The following STPG2 variants were observed in gnomAD, a reference collection of about 807,000 sequenced individuals.
The protein encoded by STPG2 is sperm tail PG-rich repeat containing 2, also known as sperm-tail PG-rich repeat-containing protein 2.
In STPG2, 56 loss-of-function variants were observed where a neutral mutation model predicts 54.2. The observed-to-expected ratio is 1.03, with a 90% confidence interval of 0.83 to 1.29. STPG2 has a LOEUF of 1.29. STPG2 is among the 50% of genes most tolerant of loss of function. STPG2 has a pLI of 0.00. For missense variants in STPG2, 596 were observed against 544.9 expected (o/e 1.09, Z -0.93); for synonymous variants, 200 against 181.8 (o/e 1.10, Z -0.81).
intron 10 of STPG2, among the ~76,000 whole-genome samples, chr4:97,706,101 G>T (rs944943591): frequency 6.6e-6 from 1 of 151,942 alleles, no homozygotes; most frequent in Non-Finnish European, 1.5e-5. Flanking sequence ...TATAACTGTA[G>T]CTTTGAATTT....
intron 9 of STPG2, among the ~76,000 whole-genome samples, chr4:97,725,237 A>C (rs1724582542): frequency 6.6e-6 from 1 of 151,996 alleles, no homozygotes; most frequent in Non-Finnish European, 1.5e-5. Context: ...TAACCTACAC[A>C]GAGTTGCAAG....
chr4:98,048,008 G>A (rs1038406408), intron 5 of STPG2, among the ~76,000 whole-genome samples: 3 of 152,110 alleles, frequency 2.0e-5, no homozygotes, highest in Non-Finnish European at 4.4e-5. Flanking sequence ...TCAACTAAAC[G>A]TAGTATTAAG....
intron 5 of STPG2, among the ~76,000 whole-genome samples, chr4:98,006,356 C>T (rs1735574742): frequency 6.6e-6 from 1 of 152,138 alleles, no homozygotes. Context: ...TCTCCCAATA[C>T]CTAAAGCTAA....
intron 3 of STPG2, among the ~76,000 whole-genome samples, chr4:98,121,476 G>A (rs1739677483): frequency 7.7e-6 from 1 of 130,050 alleles, no homozygotes; most frequent in African/African-American, 3.0e-5. Context: ...AATTACTTTA[G>A]GCAATATAGC....
At chr4:97,538,971 C>T (rs544592325) in intron 4 of STPG2, among the ~76,000 whole-genome samples, 1 of 151,988 alleles carries the variant, frequency 6.6e-6, no homozygotes, top group Non-Finnish European at 1.5e-5. Flanking sequence ...GAAATAAAAT[C>T]CTTTACAGAT....
At chr4:97,857,051 C>A (rs1398032857) in intron 8 of STPG2, among the ~76,000 whole-genome samples, 1 of 152,056 alleles carries the variant, frequency 6.6e-6, no homozygotes, top group Non-Finnish European at 1.5e-5. Context: ...CTGCTGGATC[C>A]AGTTTGCCAG....
At chr4:98,064,895 A>G (rs570288509) in intron 5 of STPG2, among the ~76,000 whole-genome samples, 5 of 152,090 alleles carry the variant, frequency 3.3e-5, no homozygotes, top group Non-Finnish European at 5.9e-5. Context: ...CAGTACTAAA[A>G]GTTTATTTAT....
chr4:97,530,698 C>A (rs936941239), intron 4 of STPG2, among the ~76,000 whole-genome samples: 1 of 152,198 alleles, frequency 6.6e-6, no homozygotes, highest in Non-Finnish European at 1.5e-5. Flanking sequence ...GGTGAGCAAT[C>A]ACAATACCTG....
chr4:98,044,790 G>A (rs1737072989), intron 5 of STPG2, among the ~76,000 whole-genome samples: 1 of 152,158 alleles, frequency 6.6e-6, no homozygotes, highest in Non-Finnish European at 1.5e-5. Context: ...AGCATGAAAG[G>A]TAGCAGAAGC....
chr4:97,914,858 TTC>T (rs1731813414), intron 8 of STPG2, among the ~76,000 whole-genome samples: 1 of 152,188 alleles, frequency 6.6e-6, no homozygotes, highest in African/African-American at 2.4e-5. Flanking sequence ...AACGTGTACT[TTC>T]TGTTTCTATG....
chr4:97,797,260 T>C lies in STPG2; in HGVS notation c.1204+43513A>G, dbSNP rs932269223. 1.1e-4 allele frequency among the ~76,000 whole-genome samples: 16 copies of C among 152,312 alleles called. 1 individual carries two copies. The highest frequency in any genetic ancestry group is 3.8e-4 in the African/African-American group (16 of 41,576). ...GTGGTGAGAGAGGGCATCCCTGTCT[T>C]GTGCCAGTTTTCAAAGGGAATGCTT... On this transcript the variant is annotated intron_variant, in intron 9 of 10. Transcript: ENST00000295268.
intron 8 of STPG2, among the ~76,000 whole-genome samples, chr4:97,896,538 T>TA (rs1306586339): frequency 1.3e-5 from 2 of 151,692 alleles, no homozygotes; most frequent in African/African-American, 2.4e-5. Flanking sequence ...GAGATATGGC[T>TA]AAAAAAATCT....
At chr4:97,894,444 A>G (rs1453453817) in intron 8 of STPG2, among the ~76,000 whole-genome samples, 1 of 151,942 alleles carries the variant, frequency 6.6e-6, no homozygotes, top group Non-Finnish European at 1.5e-5. Flanking sequence ...CAAAAATAGA[A>G]GAAAATTTCC....
At chr4:97,824,785 G>T (rs1045479264) in intron 9 of STPG2, among the ~76,000 whole-genome samples, 1 of 152,186 alleles carries the variant, frequency 6.6e-6, no homozygotes, top group Non-Finnish European at 1.5e-5. Flanking sequence ...GCCCAATGCT[G>T]TAGCTCAGCA....
chr4:97,542,842 C>CAG (rs1731748994), intron 4 of STPG2, among the ~76,000 whole-genome samples: 1 of 151,920 alleles, frequency 6.6e-6, no homozygotes, highest in Admixed American at 6.6e-5. Context: ...AAGCTGGAAA[C>CAG]CATCATTCTC....
chr4:98,114,756 TTTTTTTTTTTGTGTG>T (rs1255955529), intron 3 of STPG2, among the ~76,000 whole-genome samples: 5 of 12,668 alleles, frequency 3.9e-4, no homozygotes, highest in Non-Finnish European at 5.4e-4. Context: ...AATATCCATT[TTTTTTTTTTTGTGTG>T]TGTGTGTGTG....
intron 2 of STPG2, among the ~76,000 whole-genome samples, chr4:98,128,899 A>G (rs1460493596): frequency 6.6e-6 from 1 of 151,950 alleles, no homozygotes; most frequent in African/African-American, 2.4e-5. Context: ...ATGCTTGGCT[A>G]ATGTTTGTAT....
intron 4 of STPG2, among the ~76,000 whole-genome samples, chr4:97,453,985 A>G (rs886083205): frequency 1.3e-5 from 2 of 152,154 alleles, no homozygotes; most frequent in Non-Finnish European, 2.9e-5. Context: ...CCTTGCAGCC[A>G]TTCTCCCTAT....
chr4:97,660,079 T>G (rs540762464), intron 10 of STPG2, among the ~76,000 whole-genome samples: 1 of 151,678 alleles, frequency 6.6e-6, no homozygotes, highest in South Asian at 2.1e-4. Context: ...CTCAGCTCAC[T>G]GCAAGCTCCG....
Sources: allele counts gnomAD v4.1 joint callset (sites outside exome capture counted in the v4.1 genomes callset), GRCh38; gene constraint gnomAD v4.1.1; transcripts MANE v1.5; gene names NCBI Gene and HGNC (gene_info 2026-07-23, HGNC 2026-07-21).